The following CTNNA3 variants were observed in gnomAD, a reference collection of about 807,000 sequenced individuals.
The protein encoded by CTNNA3 is catenin alpha 3.
In CTNNA3, 76 loss-of-function variants were observed where a neutral mutation model predicts 95.7. That is an observed-to-expected ratio of 0.79 (90% CI 0.66 to 0.96). CTNNA3 has a LOEUF of 0.96. CTNNA3 is among the 40% of genes least tolerant of loss of function. CTNNA3 has a pLI of 0.00. For synonymous variants in CTNNA3, 431 were observed against 374.4 expected (o/e 1.15, Z -1.74); for missense variants, 1,191 against 1,089.8 (o/e 1.09, Z -1.31).
chr10:66,448,161 A>C (rs1306116209), intron 11 of CTNNA3, among the ~76,000 whole-genome samples: 7 of 152,132 alleles, frequency 4.6e-5, no homozygotes, highest in Non-Finnish European at 8.8e-5. Flanking sequence ...GGCAATCATT[A>C]AAAAGTCAGG....
At chr10:67,319,434 T>C (rs576827751) in intron 5 of CTNNA3, among the ~76,000 whole-genome samples, 1 of 152,172 alleles carries the variant, frequency 6.6e-6, no homozygotes, top group Non-Finnish European at 1.5e-5. Context: ...ACTCATGAAT[T>C]ATGCCTAGCA....
At chr10:67,597,183 AT>A (rs1842957505) in intron 3 of CTNNA3, among the ~76,000 whole-genome samples, 1 of 152,148 alleles carries the variant, frequency 6.6e-6, no homozygotes, top group African/African-American at 2.4e-5. Context: ...GATTCCTTAG[AT>A]TCCTTGGATT....
intron 1 of CTNNA3, among the ~76,000 whole-genome samples, chr10:67,737,886 C>T (rs976603982): frequency 3.3e-5 from 5 of 152,126 alleles, no homozygotes; most frequent in Admixed American, 6.5e-5. Context: ...ACCATTTGAC[C>T]CAGCCATCCC....
At chr10:66,376,305 G>A (rs2092796768) in intron 12 of CTNNA3, among the ~76,000 whole-genome samples, 1 of 152,252 alleles carries the variant, frequency 6.6e-6, no homozygotes, top group African/African-American at 2.4e-5. Flanking sequence ...CTGACAGGAG[G>A]AGGAGCTTAG....
At chr10:66,285,829 A>AAT (rs2091577604) in intron 12 of CTNNA3, among the ~76,000 whole-genome samples, 1 of 151,932 alleles carries the variant, frequency 6.6e-6, no homozygotes, top group Admixed American at 6.6e-5. Flanking sequence ...AAGCATATGA[A>AAT]TAAGAAGTTC....
chr10:67,547,447 T>C (rs1840879950), intron 3 of CTNNA3, among the ~76,000 whole-genome samples: 1 of 152,206 alleles, frequency 6.6e-6, no homozygotes, highest in Non-Finnish European at 1.5e-5. Flanking sequence ...AGGCTTCACC[T>C]TACTAGAAAT....
chr10:66,092,318 G>A (rs566596134), intron 14 of CTNNA3, among the ~76,000 whole-genome samples: 1 of 151,860 alleles, frequency 6.6e-6, no homozygotes, highest in African/African-American at 2.4e-5. Flanking sequence ...ACAGCATTCA[G>A]AAAGACTCCT....
rs555425799 is a variant in CTNNA3 at position 66,380,425 on chromosome 10, C to T, written c.1532-1073G>A. ...AGAAGTTCAAGACCAGCCTGGAAAACACAGCAAGACCCTTTCTTTACAACA... is the reference window on the plus strand; with the variant it reads ...AGAAGTTCAAGACCAGCCTGGAAAATACAGCAAGACCCTTTCTTTACAACA... On this transcript the variant is annotated intron_variant, in intron 11 of 17. Transcript: ENST00000433211. Among the ~76,000 whole-genome samples the T allele has an allele frequency of 1.3e-3, 201 of 151,982 alleles. 2 individuals carry two copies. Among genetic ancestry groups the T allele is most frequent in the African/African-American group, 4.4e-3 (184 of 41,470 alleles).
chr10:67,546,134 T>G (rs1295512147), intron 3 of CTNNA3, among the ~76,000 whole-genome samples: 1 of 152,078 alleles, frequency 6.6e-6, no homozygotes, highest in Non-Finnish European at 1.5e-5. Context: ...CATATTTAAA[T>G]TTGACAATTT....
At chr10:66,016,746 T>C (rs2079103692) in intron 15 of CTNNA3, among the ~76,000 whole-genome samples, 1 of 152,142 alleles carries the variant, frequency 6.6e-6, no homozygotes, top group South Asian at 2.1e-4. Context: ...AAAAGAGATG[T>C]GCTTCTATTC....
chr10:66,334,691 G>T (rs1041178377), intron 12 of CTNNA3, among the ~76,000 whole-genome samples: 2 of 151,946 alleles, frequency 1.3e-5, no homozygotes, highest in Non-Finnish European at 2.9e-5. Flanking sequence ...CAACTTTGGT[G>T]AATCTGACAA....
At chr10:67,000,049 G>A (rs12779109) in intron 7 of CTNNA3, among the ~76,000 whole-genome samples, 79,467 of 151,842 alleles carry the variant, frequency 0.52, 21,453 homozygotes, top group Middle Eastern at 0.73. Context: ...AACTACTGAA[G>A]CTTTAGTATA....
chr10:66,704,878 GTTCATTCA>G, intron 9 of CTNNA3, among the ~76,000 whole-genome samples: 1 of 152,016 alleles, frequency 6.6e-6, no homozygotes, highest in Non-Finnish European at 1.5e-5. Flanking sequence ...GATGTCATTT[GTTCATTCA>G]TTCATTCATT....
At chr10:66,578,727 C>T (rs868131157) in intron 10 of CTNNA3, among the ~76,000 whole-genome samples, 3 of 151,016 alleles carry the variant, frequency 2.0e-5, no homozygotes, top group Middle Eastern at 3.4e-3. Context: ...ACTAGTACTT[C>T]ATTGAGAAAA....
At chr10:67,664,990 C>A (rs1840295314) in intron 1 of CTNNA3, among the ~76,000 whole-genome samples, 1 of 152,146 alleles carries the variant, frequency 6.6e-6, no homozygotes, top group Non-Finnish European at 1.5e-5. Flanking sequence ...AAATTATTTG[C>A]ACAAATAACC....
intron 13 of CTNNA3, among the ~76,000 whole-genome samples, chr10:66,185,340 C>A (rs886613400): frequency 1.3e-5 from 2 of 151,920 alleles, no homozygotes; most frequent in South Asian, 2.1e-4. Flanking sequence ...TCAGATATAA[C>A]CTTACCCCCA....
intron 9 of CTNNA3, among the ~76,000 whole-genome samples, chr10:66,675,321 CT>C (rs1846814769): frequency 6.6e-6 from 1 of 151,478 alleles, no homozygotes; most frequent in African/African-American, 2.4e-5. Flanking sequence ...TACTACATAC[CT>C]TTTTGCTCAT....
chr10:66,395,079 C>T (rs773174554), intron 11 of CTNNA3, among the ~76,000 whole-genome samples: 1 of 151,872 alleles, frequency 6.6e-6, no homozygotes. Context: ...TTCGAAAATA[C>T]AGTATCTCTC....
intron 9 of CTNNA3, among the ~76,000 whole-genome samples, chr10:66,628,453 C>A (rs1299715179): frequency 6.6e-6 from 1 of 152,046 alleles, no homozygotes; most frequent in Non-Finnish European, 1.5e-5. Context: ...TTAACTGCCC[C>A]GAGTGGATTT....
Sources: gnomAD v4.1 joint callset for allele counts (sites outside exome capture counted in the v4.1 genomes callset) on GRCh38, gnomAD v4.1.1 for gene constraint, MANE v1.5 for transcripts, NCBI Gene and HGNC (gene_info 2026-07-23, HGNC 2026-07-21) for gene names.